INPP4A: variants seen among roughly 807,000 people sequenced by gnomAD.
The protein encoded by INPP4A is inositol polyphosphate-4-phosphatase, type I, 107kD.
A neutral mutation model predicts 119.8 loss-of-function variants in INPP4A; 33 were observed. The ratio of observed to expected loss-of-function variants is 0.28; its 90% CI spans 0.21 to 0.37. INPP4A has a LOEUF of 0.37. Ranked by LOEUF, INPP4A falls within the 10% of genes least tolerant of loss-of-function variation. INPP4A has a pLI of 1.00. For missense variants in INPP4A, 956 were observed against 1,289.9 expected, an observed-to-expected ratio of 0.74 and a Z score of 3.97; for synonymous variants, 496 against 500.7, an observed-to-expected ratio of 0.99 and a Z score of 0.12.
At chr2:98,573,095 C>G (rs1335584343) in intron 23 of INPP4A, among the ~76,000 whole-genome samples, 168 bp downstream of exon 23, 1 of 152,198 alleles carries the variant, frequency 6.6e-6, no homozygotes, top group African/African-American at 2.4e-5. Flanking sequence ...GAACAGTTCA[C>G]AGAGTCCATT....
rs544424320 is a variant in INPP4A at position 98,542,891 on chromosome 2, G to A, written c.819-986G>A. 3.3e-5 allele frequency among the ~76,000 whole-genome samples: 5 copies of A among 151,530 alleles called. No homozygotes were observed. The South Asian group carries it at 6.2e-4, about 19-fold the overall frequency. ...GGTCAGGCCTGATTTCATCCACAGTGACACAGCGGGCCACTTTTAGGTTCA... is the reference window on the plus strand; with the variant it reads ...GGTCAGGCCTGATTTCATCCACAGTAACACAGCGGGCCACTTTTAGGTTCA... On this transcript the variant is annotated intron_variant, in intron 10 of 24. Coordinates refer to ENST00000409851, the MANE Select transcript of INPP4A (RefSeq NM_001134225.2).
In INPP4A at chr2:98,539,681, G is replaced by A. The variant is rs1172229355; in HGVS notation, c.818+6G>A. 1 of 1,604,626 alleles carries A rather than the reference G, an allele frequency of 6.2e-7. No individual in the cohort carries two copies. The highest frequency in any genetic ancestry group is 1.7e-5 in the Admixed American group (1 of 58,904). On this transcript the variant is annotated splice_donor_region_variant and intron_variant, in intron 10 of 24. Transcript: ENST00000409851. ...CTAGAGGAAGATGCAGCCAGGTGAG[G>A]CCACATGGAAGGACTGACTGTCCAT...
At chr2:98,544,480 G>A (rs1354876008) in intron 11 of INPP4A, among the ~76,000 whole-genome samples, 5 of 152,300 alleles carry the variant, frequency 3.3e-5, no homozygotes, top group African/African-American at 1.2e-4. Context: ...CATATGAATT[G>A]TTAAGGGGTA....
intron 1 of INPP4A, among the ~76,000 whole-genome samples, chr2:98,465,968 C>T (rs1301379522): frequency 1.3e-5 from 2 of 152,080 alleles, no homozygotes; most frequent in African/African-American, 4.8e-5. Context: ...CTCCATCTGC[C>T]ACAAGTCTCA....
Position 98,563,430 on chromosome 2 carries a change from C to T in INPP4A, c.1856-35C>T, listed in dbSNP as rs770425057. 2.1e-5 allele frequency: 34 copies of T among 1,588,360 alleles called. No homozygotes were observed. In the South Asian group the frequency reaches 3.6e-4, roughly 17 times the overall value. On this transcript the variant is annotated intron_variant, in intron 17 of 24. Coordinates refer to ENST00000409851, the MANE Select transcript of INPP4A (RefSeq NM_001134225.2). ...CCAGAACCTAATTCTTAAAATCTCT[C>T]TCTCATTGTGATGACCCCTTCGCTT... is the stretch of plus-strand genomic sequence containing the variant.
At chr2:98,508,336 A>G (rs1684474730) in intron 1 of INPP4A, among the ~76,000 whole-genome samples, 1 of 152,224 alleles carries the variant, frequency 6.6e-6, no homozygotes, top group African/African-American at 2.4e-5. Flanking sequence ...TTTGGGGTTT[A>G]GAGCCTCCTG....
intron 1 of INPP4A, among the ~76,000 whole-genome samples, chr2:98,458,450 A>G (rs1696555103): frequency 6.6e-6 from 1 of 152,174 alleles, no homozygotes; most frequent in Non-Finnish European, 1.5e-5. Flanking sequence ...CCCAAGATGA[A>G]TCATTGCTGC....
In INPP4A at chr2:98,450,541, G is replaced by A. The variant is rs191404903; in HGVS notation, c.-166+5456G>A. On this transcript the variant is annotated intron_variant, in intron 1 of 24. Transcript: ENST00000409851. Reference sequence around the variant, plus strand: ...CTAGCTGTGTGACTTTGGGCAAGTGGCTTAATCTTTCTGTGCCTCAGTTAT... The same window carrying A: ...CTAGCTGTGTGACTTTGGGCAAGTGACTTAATCTTTCTGTGCCTCAGTTAT... 6.2e-4 allele frequency among the ~76,000 whole-genome samples: 94 copies of A among 152,308 alleles called. 2 individuals carry two copies. The highest frequency in any genetic ancestry group is 3.1e-3 in the Admixed American group (47 of 15,302).
At chr2:98,460,494 T>G (rs1333366858) in intron 1 of INPP4A, among the ~76,000 whole-genome samples, 1 of 152,200 alleles carries the variant, frequency 6.6e-6, no homozygotes, top group Non-Finnish European at 1.5e-5. Context: ...GTGTCAGACT[T>G]TTTTAAGACT....
intron 23 of INPP4A, among the ~76,000 whole-genome samples, chr2:98,573,723 C>T (rs1326657509): frequency 6.6e-6 from 1 of 152,150 alleles, no homozygotes; most frequent in Non-Finnish European, 1.5e-5. Context: ...TCTCTCAGCC[C>T]CGAGTCTCTT....
At chr2:98,514,196 C>A (rs1481225303) in intron 1 of INPP4A, among the ~76,000 whole-genome samples, 1 of 152,134 alleles carries the variant, frequency 6.6e-6, no homozygotes, top group African/African-American at 2.4e-5. Context: ...GTGGTGAGGT[C>A]CAAGCCTAGC....
chr2:98,516,069 T>C (rs992048096), intron 1 of INPP4A, among the ~76,000 whole-genome samples: 20 of 152,320 alleles, frequency 1.3e-4, no homozygotes, highest in African/African-American at 3.9e-4. Flanking sequence ...CTGTCTCCTC[T>C]TCTGCTTAAG....
chr2:98,460,393 C>A (rs571002462), intron 1 of INPP4A, among the ~76,000 whole-genome samples: 3 of 152,170 alleles, frequency 2.0e-5, no homozygotes, highest in African/African-American at 7.2e-5. Flanking sequence ...AGGAAGGAGG[C>A]TCAGGAGAGG....
intron 1 of INPP4A, among the ~76,000 whole-genome samples, chr2:98,478,499 G>A (rs1163395209): frequency 1.3e-5 from 2 of 152,222 alleles, no homozygotes; most frequent in Admixed American, 1.3e-4. Context: ...TCAAGGCGAG[G>A]CAGGGCTGTG....
chr2:98,566,056 G>C lies in INPP4A; in HGVS notation c.2307G>C (p.Leu769=), dbSNP rs781542509. ...ACGGGTTTAACGTGCGGGTCCCTCT[G>C]CCGGGCCCGCTGTTTGACGCCTTGC... ...NRDGFNVRVP[L]PGPLFDALPR... Residue 769 remains leucine, a synonymous_variant, in exon 21 of 25, where the codon CTG becomes CTC. Transcript: ENST00000409851. The surrounding 1 kb of genome is among the most constrained non-coding windows in gnomAD (Gnocchi z 4.2). 1 of 1,605,276 alleles carries C rather than the reference G, an allele frequency of 6.2e-7. No homozygotes were observed. The highest frequency in any genetic ancestry group is 8.5e-7 in the Non-Finnish European group (1 of 1,176,236).
In INPP4A at chr2:98,554,362, A is replaced by G. The variant is rs754580301; in HGVS notation, c.1439A>G (p.Lys480Arg). ...GCACGGCCTGACTACATTGCCTCCA[A>G]GGCCTCTCCCACTTCGACTGAGGAG... The part of the protein sequence containing the change: ...NAARPDYIAS[K>R]ASPTSTEEEQ... Residue 480 changes from lysine to arginine, a missense_variant, in exon 15 of 25, where the codon AAG becomes AGG. This residue lies in a region of INPP4A where 652 missense variants were observed against 797.9 expected (regional missense o/e 0.82). Coordinates refer to ENST00000409851, the MANE Select transcript of INPP4A (RefSeq NM_001134225.2). This position sits in a 1 kb window ranked among gnomAD's most constrained non-coding sequence, Gnocchi z 4.7. 1.2e-5 allele frequency: 19 copies of G among 1,613,520 alleles called. No individual in the cohort carries two copies. Among genetic ancestry groups the G allele is most frequent in the African/African-American group, 4.0e-5 (3 of 74,932 alleles).
At chr2:98,537,809 C>A in intron 7 of INPP4A, 54 bp from the exon 8 acceptor site, 3 of 1,357,160 alleles carry the variant, frequency 2.2e-6, no homozygotes, top group Non-Finnish European at 3.1e-6. Context: ...TGTATTTCAG[C>A]AGAAAAGAAG....
At chr2:98,444,766 C>CTGGT (rs1693854904), upstream of INPP4A, 1 of 152,126 alleles carries the variant, frequency 6.6e-6, no homozygotes, top group South Asian at 2.1e-4. Context: ...CCAGCTCGGG[C>CTGGT]TGGTAGTGGG....
chr2:98,565,458 AG>A, intron 19 of INPP4A, among the ~76,000 whole-genome samples, 181 bp from the exon 20 acceptor site: 1 of 152,244 alleles, frequency 6.6e-6, no homozygotes, highest in South Asian at 2.1e-4. Context: ...GGGATTTCAG[AG>A]GCATTGTTGA....
Sources: allele counts gnomAD v4.1 joint callset (sites outside exome capture counted in the v4.1 genomes callset), GRCh38; gene constraint gnomAD v4.1.1; regional missense constraint gnomAD v4.1.1; non-coding constraint Gnocchi (gnomAD v3.1); transcripts MANE v1.5; gene names NCBI Gene and HGNC (gene_info 2026-07-23, HGNC 2026-07-21).